Variants in VPS13B observed in about 807,000 individuals in gnomAD.
VPS13B encodes intermembrane lipid transfer protein VPS13B.
A neutral mutation model predicts 426.4 loss-of-function variants in VPS13B; 285 were observed. The observed-to-expected ratio is 0.67, with a 90% confidence interval of 0.61 to 0.74. The LOEUF (loss-of-function observed/expected upper bound fraction) is 0.74, where lower values mean the gene tolerates loss of function less well. VPS13B is among the 30% of genes least tolerant of loss of function. VPS13B has a pLI of 0.00. For synonymous variants in VPS13B, 1,676 were observed against 1,676.4 expected (o/e 1.00, Z 0.01); for missense variants, 4,537 against 4,782.6 (o/e 0.95, Z 1.51).
chr8:99,727,136 A>G (rs1188284339), intron 39 of VPS13B, among the ~76,000 whole-genome samples: 1 of 152,228 alleles, frequency 6.6e-6, no homozygotes, highest in South Asian at 2.1e-4. Context: ...CACAAAATTT[A>G]TAAGTGAGGG....
chr8:99,014,115 T>TC (rs1841471898), intron 2 of VPS13B, among the ~76,000 whole-genome samples, 180 bp downstream of exon 2: 2 of 118,418 alleles, frequency 1.7e-5, no homozygotes, highest in Non-Finnish European at 3.3e-5. Flanking sequence ...TCTTTCTTTT[T>TC]TTTTTTTTTT....
At chr8:99,261,827 A>G (rs1161922893) in intron 17 of VPS13B, among the ~76,000 whole-genome samples, 1 of 152,184 alleles carries the variant, frequency 6.6e-6, no homozygotes, top group Non-Finnish European at 1.5e-5. Context: ...TGTGATTCAT[A>G]CAATTTTAGA....
chr8:99,407,288 G>A (rs1371230402), intron 21 of VPS13B, among the ~76,000 whole-genome samples: 1 of 152,066 alleles, frequency 6.6e-6, no homozygotes, highest in Admixed American at 6.6e-5. Flanking sequence ...AAAGGTATAT[G>A]TAAATTTATG....
intron 17 of VPS13B, among the ~76,000 whole-genome samples, chr8:99,199,875 AAAC>A (rs2132752892): frequency 6.6e-6 from 1 of 152,170 alleles, no homozygotes; most frequent in East Asian, 1.9e-4. Flanking sequence ...AAGTTTTTAA[AAAC>A]AGTTTTATTT....
At chr8:99,360,150 CTTTCTTTCTT>C (rs1812436957) in intron 19 of VPS13B, among the ~76,000 whole-genome samples, 2 of 31,978 alleles carry the variant, frequency 6.3e-5, no homozygotes, top group African/African-American at 3.1e-4. Flanking sequence ...TTCTTTCTTT[CTTTCTTTCTT>C]TCTTTCTTTC....
At chr8:99,764,887 G>A (rs1811132588) in intron 39 of VPS13B, among the ~76,000 whole-genome samples, 1 of 152,006 alleles carries the variant, frequency 6.6e-6, no homozygotes, top group African/African-American at 2.4e-5. Flanking sequence ...ATATATGTGT[G>A]CACACACACT....
At chr8:99,064,616 C>A (rs972577229) in intron 3 of VPS13B, among the ~76,000 whole-genome samples, 1 of 152,108 alleles carries the variant, frequency 6.6e-6, no homozygotes, top group Non-Finnish European at 1.5e-5. Flanking sequence ...TGTGAAAAAA[C>A]CAAATCTGCT....
rs1274810457 is a variant in VPS13B, at chr8:99,121,330, A to T, written c.1091A>T (p.Glu364Val). 6.2e-7 allele frequency: 1 copy of T among 1,614,122 alleles called. No individual in the cohort carries two copies. The highest frequency in any genetic ancestry group is 1.7e-5 in the Admixed American group (1 of 60,022). Reference protein sequence around the residue: ...PAIVSYDDGEEDFVGNDPAST... With the variant: ...PAIVSYDDGEVDFVGNDPAST... The stretch of plus-strand genomic sequence containing the variant: ...ATTGTGAGTTATGACGATGGCGAGG[A>T]AGACTTTGTTGGGAACGATCCTGCA... Residue 364 changes from glutamate to valine, a missense_variant, in exon 8 of 62, where the codon GAA (glutamate) becomes GTA (valine). By Grantham distance (121) the Glu-to-Val change is moderately radical. This residue lies in a region of VPS13B where 4,311 missense variants were observed against 4,474.3 expected (regional missense o/e 0.96). Coordinates refer to ENST00000357162, the MANE Select transcript of VPS13B (RefSeq NM_152564.5).
chr8:99,315,880 G>A (rs770600446), intron 19 of VPS13B, among the ~76,000 whole-genome samples: 18 of 152,182 alleles, frequency 1.2e-4, no homozygotes, highest in Non-Finnish European at 2.1e-4. Flanking sequence ...CCTTTTGTAT[G>A]TGTGTTTCTT....
chr8:99,065,769 C>A (rs1018700784), intron 3 of VPS13B, among the ~76,000 whole-genome samples: 5 of 152,170 alleles, frequency 3.3e-5, no homozygotes, highest in African/African-American at 1.2e-4. Context: ...ATTGTCTCAG[C>A]CCAAAATCTC....
At chr8:99,257,818 C>T (rs1216417817) in intron 17 of VPS13B, among the ~76,000 whole-genome samples, 1 of 150,930 alleles carries the variant, frequency 6.6e-6, no homozygotes, top group East Asian at 1.9e-4. Flanking sequence ...AGTTAGTGCC[C>T]AAGAGTGATG....
intron 30 of VPS13B, among the ~76,000 whole-genome samples, chr8:99,528,983 G>T (rs1263112156): frequency 6.6e-6 from 1 of 151,302 alleles, no homozygotes; most frequent in Non-Finnish European, 1.5e-5. Context: ...TTCTGATTAT[G>T]AAATTAAAAT....
At chr8:99,077,414 C>T (rs1320112669) in intron 3 of VPS13B, among the ~76,000 whole-genome samples, 1 of 152,058 alleles carries the variant, frequency 6.6e-6, no homozygotes, top group Non-Finnish European at 1.5e-5. Context: ...ATGTGATCTG[C>T]CTGCCTCGGC....
At chr8:99,766,723 A>G in intron 39 of VPS13B, 51 bp from the exon 40 acceptor site, 1 of 1,476,056 alleles carries the variant, frequency 6.8e-7, no homozygotes. Flanking sequence ...CAACAAATAT[A>G]AAAGCATAGT....
intron 39 of VPS13B, among the ~76,000 whole-genome samples, chr8:99,725,854 C>A (rs940913803): frequency 1.3e-5 from 2 of 152,182 alleles, no homozygotes; most frequent in African/African-American, 4.8e-5. Context: ...ATTGAATAGT[C>A]TGCCAAGCTT....
chr8:99,840,689 AAC>A lies in VPS13B; in HGVS notation c.9942+4953_9942+4954del, dbSNP rs752775870. ...AAGATATTATCTACAAGAATATCAG[AAC>A]ATACTTTGTTAAGTGCCTTGATGAA... On this transcript the variant is annotated intron_variant, in intron 54 of 61. Coordinates refer to ENST00000357162, the MANE Select transcript of VPS13B (RefSeq NM_152564.5). 6.1e-4 allele frequency among the ~76,000 whole-genome samples: 93 copies of A among 152,138 alleles called. 1 individual carries two copies. Among genetic ancestry groups the A allele is most frequent in the Middle Eastern group, 3.4e-3 (1 of 294 alleles).
At chr8:99,411,403 G>A (rs1336709137) in intron 21 of VPS13B, among the ~76,000 whole-genome samples, 1 of 152,076 alleles carries the variant, frequency 6.6e-6, no homozygotes, top group Non-Finnish European at 1.5e-5. Flanking sequence ...ACTTTTTGAT[G>A]GGGTTGTTTG....
At chr8:99,609,528 G>A (rs1387127435) in intron 33 of VPS13B, among the ~76,000 whole-genome samples, 2 of 152,156 alleles carry the variant, frequency 1.3e-5, no homozygotes, top group Admixed American at 1.3e-4. Context: ...TGGAGGAACT[G>A]TAGTTTTGTC....
chr8:99,621,009 A>T (rs1828325031), intron 33 of VPS13B, among the ~76,000 whole-genome samples: 1 of 147,436 alleles, frequency 6.8e-6, no homozygotes, highest in Non-Finnish European at 1.5e-5. Flanking sequence ...AAAAAAAAAA[A>T]AGTGCCATGT....
Sources: gnomAD v4.1 joint callset for allele counts (sites outside exome capture counted in the v4.1 genomes callset) on GRCh38, gnomAD v4.1.1 for gene constraint, gnomAD v4.1.1 regional missense constraint, MANE v1.5 for transcripts, NCBI Gene and HGNC (gene_info 2026-07-23, HGNC 2026-07-21) for gene names.